The following HMGCL variants were observed in gnomAD, a reference collection of about 807,000 sequenced individuals.
HMGCL encodes hydroxymethylglutaryl-CoA lyase, mitochondrial.
In HMGCL, 26 loss-of-function variants were observed where a neutral mutation model predicts 37.3. The observed-to-expected ratio is 0.70, with a 90% CI of 0.51 to 0.97. The LOEUF (loss-of-function observed/expected upper bound fraction) is 0.97, where lower values mean the gene tolerates loss of function less well. HMGCL is among the 50% of genes least tolerant of loss of function. HMGCL has a pLI of 0.00. For missense variants in HMGCL, 379 were observed against 398.1 expected (o/e 0.95, Z 0.41); for synonymous variants, 151 against 148.0 (o/e 1.02, Z -0.15).
At chr1:23,821,265 G>A (rs1239783351) in intron 1 of HMGCL, among the ~76,000 whole-genome samples, 5 of 152,106 alleles carry the variant, frequency 3.3e-5, no homozygotes, top group Admixed American at 3.3e-4. Flanking sequence ...GCTGAGGCAG[G>A]AGAATTGCTT....
chr1:23,822,942 G>A (rs1038550814), intron 1 of HMGCL, among the ~76,000 whole-genome samples: 2 of 152,100 alleles, frequency 1.3e-5, no homozygotes, highest in Non-Finnish European at 1.5e-5. Context: ...TTGGGAGGCC[G>A]AGGTGGGCAG....
At chr1:23,822,974 G>A (rs1047570290) in intron 1 of HMGCL, among the ~76,000 whole-genome samples, 7 of 152,000 alleles carry the variant, frequency 4.6e-5, no homozygotes, top group African/African-American at 1.4e-4. Flanking sequence ...TCAGAAGTTC[G>A]AGACCAGCCT....
Position 23,808,297 on chromosome 1 carries a change from G to A in HMGCL, c.588C>T (p.Gly196=), listed in dbSNP as rs1638450371. The stretch of plus-strand genomic sequence containing the variant: ...TGTCCCCCAGGGAGATCTCGTAGCA[G>A]CCCATTGAGTAGAACTTCTTGGTGA... ...AEVTKKFYSM[G]CYEISLGDTI... Residue 196 remains glycine, a synonymous_variant, in exon 7 of 9, where the codon GGC becomes GGT. Transcript: ENST00000374490. The A allele has an allele frequency of 6.2e-7, 1 of 1,614,062 alleles. No individual in the cohort carries two copies. Among genetic ancestry groups the A allele is most frequent in the East Asian group, 2.2e-5 (1 of 44,878 alleles).
At chr1:23,810,941 A>G in intron 5 of HMGCL, 142 bp from the exon 6 acceptor site, 1 of 711,094 alleles carries the variant, frequency 1.4e-6, no homozygotes, top group Non-Finnish European at 2.6e-6. Flanking sequence ...GGGATGGTAC[A>G]ATTCAGTGCC....
Position 23,802,408 on chromosome 1 carries a change from T to C in HMGCL, c.*55A>G, listed in dbSNP as rs926864800. ...TTTCCATGTCCCCATCCATGAATCA[T>C]CTGTGTGTGCCCCTATTTCCACATC... On this transcript the variant is annotated 3_prime_UTR_variant, in exon 9 of 9. Transcript: ENST00000374490. 1 of 1,039,736 alleles carries C rather than the reference T, an allele frequency of 9.6e-7. No homozygotes were observed. The highest frequency in any genetic ancestry group is 1.5e-6 in the Non-Finnish European group (1 of 655,310). The allele number at this position is 1,039,736 out of a possible 1,614,324, so 64.4% of individuals were successfully genotyped here.
intron 3 of HMGCL, 79 bp downstream of exon 3, chr1:23,817,397 C>T (rs1377830812): frequency 7.1e-6 from 6 of 840,740 alleles, no homozygotes; most frequent in African/African-American, 1.7e-5. Flanking sequence ...CCTATGTTCT[C>T]AACTTCTACT....
chr1:23,804,996 T>A (rs1037721716), intron 7 of HMGCL, among the ~76,000 whole-genome samples: 3 of 150,176 alleles, frequency 2.0e-5, no homozygotes, highest in African/African-American at 7.3e-5. Flanking sequence ...CAAATGACTA[T>A]TTCACTTTCT....
chr1:23,822,263 T>C (rs1380105755), intron 1 of HMGCL, among the ~76,000 whole-genome samples: 1 of 152,096 alleles, frequency 6.6e-6, no homozygotes, highest in Non-Finnish European at 1.5e-5. Context: ...TCTGTTACAG[T>C]CATAGGCTGG....
At chr1:23,812,695 A>C (rs1015302688) in intron 5 of HMGCL, among the ~76,000 whole-genome samples, 6 of 152,316 alleles carry the variant, frequency 3.9e-5, no homozygotes, top group South Asian at 2.1e-4. Context: ...AACAGAAAGA[A>C]GTTCCAGTTG....
intron 3 of HMGCL, among the ~76,000 whole-genome samples, chr1:23,817,214 G>T (rs369332684): frequency 1.3e-5 from 2 of 152,092 alleles, no homozygotes; most frequent in Non-Finnish European, 2.9e-5. Context: ...TAGACTTTAG[G>T]GCTAGAAGAG....
At chr1:23,824,807 C>T (rs567930604) in intron 1 of HMGCL, among the ~76,000 whole-genome samples, 1 of 152,308 alleles carries the variant, frequency 6.6e-6, no homozygotes, top group African/African-American at 2.4e-5. Context: ...CTCCATACAG[C>T]TACGTCTCCC....
At chr1:23,807,989 G>A in intron 7 of HMGCL, 146 bp downstream of exon 7, 1 of 711,020 alleles carries the variant, frequency 1.4e-6, no homozygotes, top group African/African-American at 1.7e-5. Flanking sequence ...CTTCACATCT[G>A]GGCAGGGTCA....
chr1:23,821,839 C>T (rs1288934197), intron 1 of HMGCL, among the ~76,000 whole-genome samples: 1 of 152,082 alleles, frequency 6.6e-6, no homozygotes, highest in Non-Finnish European at 1.5e-5. Flanking sequence ...CCCCAGGGTT[C>T]CTCATCTGGC....
Position 23,816,675 on chromosome 1 carries a change from C to T in HMGCL, c.348G>A (p.Ala116=), listed in dbSNP as rs189198317. 25 of 1,590,470 alleles carry T rather than the reference C, an allele frequency of 1.6e-5. No homozygotes were observed. The highest frequency in any genetic ancestry group is 1.3e-4 in the East Asian group (6 of 44,760). The change falls in exon 4 of 9, where the codon GCG becomes GCA. Residue 116 remains alanine, a splice_region_variant and synonymous_variant. Coordinates refer to ENST00000374490, the MANE Select transcript of HMGCL (RefSeq NM_000191.3). The part of the protein sequence containing the change: ...LTPNLKGFEA[A]VAAGAKEVVI... ...CCCCACCAACAAGCTATCCTCTTACCGCTGCCTCGAAGCCTTTCAAATTTG... is the reference window on the plus strand; with the variant it reads ...CCCCACCAACAAGCTATCCTCTTACTGCTGCCTCGAAGCCTTTCAAATTTG...
intron 1 of HMGCL, among the ~76,000 whole-genome samples, chr1:23,824,072 C>T (rs1638771843): frequency 6.6e-6 from 1 of 152,268 alleles, no homozygotes; most frequent in South Asian, 2.1e-4. Flanking sequence ...TTAAACATCC[C>T]GTTCCTCCTC....
intron 1 of HMGCL, among the ~76,000 whole-genome samples, chr1:23,824,162 T>C (rs1045905277): frequency 2.0e-5 from 3 of 152,182 alleles, no homozygotes; most frequent in African/African-American, 7.2e-5. Context: ...TGTACCTGCA[T>C]CAACACCAAC....
At chr1:23,810,714 C>A (rs1638504358) in intron 6 of HMGCL, 22 bp downstream of exon 6, 2 of 1,612,486 alleles carry the variant, frequency 1.2e-6, no homozygotes, top group Non-Finnish European at 1.7e-6. Flanking sequence ...ACCAAACCCC[C>A]CGCCCTGACA....
At chr1:23,816,594 G>A in intron 4 of HMGCL, 81 bp downstream of exon 4, 3 of 890,154 alleles carry the variant, frequency 3.4e-6, no homozygotes, top group South Asian at 2.6e-5. Context: ...CCAGGACAGG[G>A]GACTGAGGCG....
intron 7 of HMGCL, among the ~76,000 whole-genome samples, chr1:23,804,876 A>ACCCCCCCCCCCCCC (rs138996016): frequency 4.9e-5 from 3 of 61,284 alleles, no homozygotes; most frequent in Non-Finnish European, 9.5e-5. Context: ...TTCATTTATT[A>ACCCCCCCCCCCCCC]CCCCCCCCCC....
Sources: allele counts gnomAD v4.1 joint callset (sites outside exome capture counted in the v4.1 genomes callset), GRCh38; gene constraint gnomAD v4.1.1; transcripts MANE v1.5; gene names NCBI Gene and HGNC (gene_info 2026-07-23, HGNC 2026-07-21).